Variants in PKHD1 observed in about 807,000 individuals in gnomAD.
PKHD1 encodes the protein PKHD1 ciliary IPT domain containing fibrocystin/polyductin.
Under a neutral mutation model 412.0 loss-of-function variants are expected in PKHD1, and 291 were observed. The observed-to-expected ratio is 0.71, with a 90% confidence interval of 0.64 to 0.78. PKHD1 has a LOEUF of 0.78. Ranked by LOEUF, PKHD1 falls within the 30% of genes least tolerant of loss-of-function variation. The probability of loss-of-function intolerance (pLI) is 0.00; values close to 1 mark genes in which losing one functional copy is unlikely to be tolerated. For synonymous variants in PKHD1, 1,777 were observed against 1,821.5 expected, an observed-to-expected ratio of 0.98 and a Z score of 0.62; for missense variants, 4,825 against 4,950.7, an observed-to-expected ratio of 0.97 and a Z score of 0.76.
chr6:51,673,483 T>C (rs1001199900), intron 60 of PKHD1, among the ~76,000 whole-genome samples: 1 of 152,204 alleles, frequency 6.6e-6, no homozygotes, highest in Non-Finnish European at 1.5e-5. Flanking sequence ...CTATAGCAAG[T>C]TCAGATAAAT....
intron 60 of PKHD1, among the ~76,000 whole-genome samples, chr6:51,709,849 A>T (rs1322526037): frequency 4.2e-5 from 6 of 142,334 alleles, no homozygotes; most frequent in African/African-American, 5.2e-5. Context: ...TGCTTTAGTC[A>T]TTTTTTTTTT....
intron 35 of PKHD1, among the ~76,000 whole-genome samples, chr6:51,978,602 T>G (rs914578877): frequency 2.0e-5 from 3 of 152,180 alleles, no homozygotes; most frequent in Admixed American, 2.0e-4. Flanking sequence ...AAACAGTTTA[T>G]GAACTGAGAG....
chr6:51,872,873 TC>T (rs1361992946), intron 46 of PKHD1, among the ~76,000 whole-genome samples: 4 of 127,100 alleles, frequency 3.1e-5, no homozygotes, highest in Non-Finnish European at 4.7e-5. Context: ...TTCCATCGTT[TC>T]CTTTTTTTTT....
chr6:51,684,001 T>C lies in PKHD1; in HGVS notation c.10157-24032A>G, dbSNP rs79639741. Among the ~76,000 whole-genome samples the C allele has an allele frequency of 7.2e-3, 1,101 of 152,188 alleles. 12 individuals carry two copies. The highest frequency in any genetic ancestry group is 0.025 in the African/African-American group (1,052 of 41,550). On this transcript the variant is annotated intron_variant, in intron 60 of 66. Transcript: ENST00000371117. ...TTGCATATGTCCTTCTGCTCCCATA[T>C]ACTCAACCAGTGCCCGATATACAAA...
At position 52,022,881 on chromosome 6, in the gene PKHD1, G is replaced by A; in HGVS notation, c.5300C>T (p.Ala1767Val). ...TCGGCAGGGAGCACCACACACAGCA[G>A]CTGAGACATTCCCTGGAGAAAATCC... The part of the protein sequence containing the change: ...GAGFSPGNVS[A>V]AVCGAPCRVL... Residue 1767 changes from alanine to valine, a missense_variant, in exon 33 of 67, where the codon GCT becomes GTT. Transcript: ENST00000371117. 6.2e-7 allele frequency: 1 copy of A among 1,614,116 alleles called. No individual in the cohort carries two copies. The highest frequency in any genetic ancestry group is 8.5e-7 in the Non-Finnish European group (1 of 1,179,996).
chr6:51,786,392 T>C (rs902714445), intron 53 of PKHD1, among the ~76,000 whole-genome samples: 1 of 152,090 alleles, frequency 6.6e-6, no homozygotes, highest in African/African-American at 2.4e-5. Flanking sequence ...TTTCACTGTG[T>C]CCCTTTTAAG....
intron 1 of PKHD1, 108 bp from the exon 2 acceptor site, chr6:52,085,125 A>G (rs1248576113): frequency 3.5e-6 from 2 of 564,006 alleles, no homozygotes; most frequent in South Asian, 2.0e-5. Flanking sequence ...ACATGGCCTT[A>G]GTGTCTTCAA....
chr6:51,967,035 G>A (rs1471007283), intron 35 of PKHD1, among the ~76,000 whole-genome samples: 1 of 152,130 alleles, frequency 6.6e-6, no homozygotes, highest in East Asian at 1.9e-4. Flanking sequence ...GGATCAGGCG[G>A]CTGGCCCTGG....
chr6:51,784,018 CATT>C (rs1278533535), intron 53 of PKHD1, among the ~76,000 whole-genome samples: 1 of 152,136 alleles, frequency 6.6e-6, no homozygotes, highest in Non-Finnish European at 1.5e-5. Flanking sequence ...CTTATATATA[CATT>C]GTCAGTCATA....
chr6:51,622,750 A>G (rs1427136071), intron 66 of PKHD1: 1 of 152,206 alleles, frequency 6.6e-6, no homozygotes, highest in Non-Finnish European at 1.5e-5. Flanking sequence ...AGAAATGGAT[A>G]TGTTTTAGTA....
In PKHD1 at chr6:51,847,913, C is replaced by A; in HGVS notation, c.7969G>T (p.Asp2657Tyr). ...PGNYLLLVHTDLPPYPDILLR... is the reference protein window; with the variant it reads ...PGNYLLLVHTYLPPYPDILLR... ...AGGATGTCAGGGTAAGGCGGCAAAT[C>A]TGTGTGCACCAGCAGTAGGTAATTA... Residue 2657 changes from aspartate (D) to tyrosine (Y), a missense_variant, in exon 50 of 67, where the codon GAT (aspartate) becomes TAT (tyrosine). Coordinates refer to ENST00000371117, the MANE Select transcript of PKHD1 (RefSeq NM_138694.4). The A allele has an allele frequency of 6.2e-7, 1 of 1,614,050 alleles. No individual in the cohort carries two copies. Among genetic ancestry groups the A allele is most frequent in the South Asian group, 1.1e-5 (1 of 91,084 alleles).
At chr6:51,950,220 A>AAAAAATATATATAT in intron 36 of PKHD1, among the ~76,000 whole-genome samples, 44 of 98,288 alleles carry the variant, frequency 4.5e-4, no homozygotes, top group East Asian at 1.1e-3. Context: ...GAAAAAAAAA[A>AAAAAATATATATAT]ATATATATAT....
chr6:51,692,069 T>A (rs1480296846), intron 60 of PKHD1, among the ~76,000 whole-genome samples: 1 of 152,142 alleles, frequency 6.6e-6, no homozygotes, highest in African/African-American at 2.4e-5. Flanking sequence ...TCCCATTTCA[T>A]ACCTAACAGC....
At chr6:52,054,290 T>A in intron 19 of PKHD1, 125 bp from the exon 20 acceptor site, 1 of 851,446 alleles carries the variant, frequency 1.2e-6, no homozygotes, top group Non-Finnish European at 1.9e-6. Flanking sequence ...GCACAGTTCC[T>A]GCCCTTCCAG....
At chr6:51,819,481 C>T (rs1028485677) in intron 52 of PKHD1, among the ~76,000 whole-genome samples, 55 of 152,026 alleles carry the variant, frequency 3.6e-4, no homozygotes, top group Non-Finnish European at 2.6e-4. Context: ...ATTGAATTTA[C>T]TTCTATGCCA....
intron 32 of PKHD1, among the ~76,000 whole-genome samples, chr6:52,023,177 A>G (rs1417209574): frequency 6.6e-6 from 1 of 151,954 alleles, no homozygotes; most frequent in Non-Finnish European, 1.5e-5. Context: ...TTTTTTTTTA[A>G]TGTAACAATT....
rs7775939 is a variant in PKHD1 at position 51,851,098 on chromosome 6, A to G, written c.7912-3128T>C. On this transcript the variant is annotated intron_variant, in intron 49 of 66. Transcript: ENST00000371117. The stretch of plus-strand genomic sequence containing the variant: ...AATACCTAGCTTACTGAGAGCTTTT[A>G]ACATGAAGGGATGTTGAATTTTATC... 9.6e-3 allele frequency among the ~76,000 whole-genome samples: 1,456 copies of G among 152,278 alleles called. 24 individuals are homozygous for G. Among genetic ancestry groups the G allele is most frequent in the African/African-American group, 0.032 (1,344 of 41,546 alleles).
chr6:51,800,345 A>G (rs1457082331), intron 52 of PKHD1, among the ~76,000 whole-genome samples: 1 of 152,212 alleles, frequency 6.6e-6, no homozygotes, highest in Non-Finnish European at 1.5e-5. Context: ...GTTAACAATA[A>G]GGAGAAACCC....
Position 51,632,666 on chromosome 6 carries a change from T to C in PKHD1, c.11564A>G (p.Glu3855Gly). The C allele has an allele frequency of 6.2e-7, 1 of 1,613,478 alleles. No individual in the cohort carries two copies. The highest frequency in any genetic ancestry group is 8.5e-7 in the Non-Finnish European group (1 of 1,179,588). ...AGCAGCCAGGATGATGGTCGACTTC[T>C]CCTTCCTAGTCACAGGCAAGACAGC... ...PFAVLPVTRK[E>G]KSTIILAASL... The change falls in exon 65 of 67, where the codon GAG (glutamate) becomes GGG (glycine). Residue 3855 changes from glutamate (E) to glycine (G), a missense_variant. Coordinates refer to ENST00000371117, the MANE Select transcript of PKHD1 (RefSeq NM_138694.4).
Sources: allele counts gnomAD v4.1 joint callset (sites outside exome capture counted in the v4.1 genomes callset), GRCh38; gene constraint gnomAD v4.1.1; transcripts MANE v1.5; gene names NCBI Gene and HGNC (gene_info 2026-07-23, HGNC 2026-07-21).